The following IQGAP2 variants were observed in gnomAD, a reference collection of about 807,000 sequenced individuals.
The protein encoded by IQGAP2 is IQ motif containing GTPase activating protein 2.
In IQGAP2, 173 loss-of-function variants were observed where a neutral mutation model predicts 201.3. The observed-to-expected ratio is 0.86, with a 90% CI of 0.76 to 0.98. The LOEUF is 0.98. IQGAP2 is among the 50% of genes least tolerant of loss of function. The probability of loss-of-function intolerance (pLI) is 0.00; values close to 1 mark genes in which losing one functional copy is unlikely to be tolerated. For missense variants in IQGAP2, 1,687 were observed against 1,864.8 expected, an observed-to-expected ratio of 0.90 and a Z score of 1.76; for synonymous variants, 675 against 673.9, an observed-to-expected ratio of 1.00 and a Z score of -0.03.
At chr5:76,637,210 G>A (rs1487404475) in intron 16 of IQGAP2, 34 bp downstream of exon 16, 2 of 1,514,934 alleles carry the variant, frequency 1.3e-6, no homozygotes, top group Non-Finnish European at 8.9e-7. Context: ...TAACTCTACT[G>A]TATAAAGTTA....
intron 2 of IQGAP2, among the ~76,000 whole-genome samples, chr5:76,515,766 G>C (rs2150187888): frequency 6.7e-6 from 1 of 149,586 alleles, no homozygotes; most frequent in Non-Finnish European, 1.5e-5. Flanking sequence ...TTTTTGTTTT[G>C]TTTTCTTTTT....
intron 30 of IQGAP2, 109 bp downstream of exon 30, chr5:76,684,026 A>T: frequency 1.0e-6 from 1 of 982,532 alleles, no homozygotes; most frequent in Non-Finnish European, 1.4e-6. Context: ...GTGAACATTG[A>T]AATCTATTAT....
intron 14 of IQGAP2, among the ~76,000 whole-genome samples, chr5:76,628,416 C>T (rs994143501): frequency 5.9e-5 from 9 of 152,116 alleles, no homozygotes; most frequent in African/African-American, 1.4e-4. Flanking sequence ...AGTGCATAAT[C>T]GGAATAGGCA....
chr5:76,500,111 A>G (rs1161895476), intron 2 of IQGAP2, among the ~76,000 whole-genome samples: 3 of 152,200 alleles, frequency 2.0e-5, no homozygotes, highest in Admixed American at 2.0e-4. Context: ...CTGTCTCAAC[A>G]AAATGAATGA....
intron 1 of IQGAP2, among the ~76,000 whole-genome samples, chr5:76,445,455 CCGTTT>C (rs1298178033): frequency 2.6e-5 from 4 of 151,726 alleles, no homozygotes; most frequent in Non-Finnish European, 4.4e-5. Flanking sequence ...CAAAAATCGG[CCGTTT>C]TAACCTTTTT....
At chr5:76,702,645 A>G in intron 35 of IQGAP2, 55 bp downstream of exon 35, 1 of 822,920 alleles carries the variant, frequency 1.2e-6, no homozygotes, top group Non-Finnish European at 2.1e-6. Flanking sequence ...TGGATCATAC[A>G]TTGCTACCCT....
intron 30 of IQGAP2, among the ~76,000 whole-genome samples, chr5:76,692,839 G>A (rs1366776737): frequency 1.3e-5 from 2 of 152,104 alleles, no homozygotes; most frequent in South Asian, 2.1e-4. Flanking sequence ...CTGAACGTTC[G>A]CTCCCACTGG....
At chr5:76,490,987 C>CTTT (rs767214200) in intron 2 of IQGAP2, among the ~76,000 whole-genome samples, 9 of 113,008 alleles carry the variant, frequency 8.0e-5, no homozygotes, top group African/African-American at 1.6e-4. Context: ...AGATTTTCAT[C>CTTT]TTTTTTTTTT....
At chr5:76,487,234 G>A (rs1405723183) in intron 2 of IQGAP2, among the ~76,000 whole-genome samples, 1 of 151,962 alleles carries the variant, frequency 6.6e-6, no homozygotes, top group Non-Finnish European at 1.5e-5. Flanking sequence ...GAGTAGCTGG[G>A]ATTACAGGTG....
rs571729787 is a variant in IQGAP2 at position 76,514,503 on chromosome 5, A to C, written c.147-47893A>C. ...GGTCTACCCACTCCCAGCCTGTCCT[A>C]CCTCCTGCCATCAGATTAATCTTCC... On this transcript the variant is annotated intron_variant, in intron 2 of 35. Transcript: ENST00000274364. 3.3e-5 allele frequency among the ~76,000 whole-genome samples: 5 copies of C among 152,052 alleles called. No homozygotes were observed. The East Asian group carries it at 9.7e-4, about 29-fold the overall frequency.
At chr5:76,605,300 C>T (rs546249167) in intron 11 of IQGAP2, among the ~76,000 whole-genome samples, 5 of 152,312 alleles carry the variant, frequency 3.3e-5, no homozygotes, top group Admixed American at 2.0e-4. Context: ...TTCCAGAGGG[C>T]TATGCACAGT....
At chr5:76,531,235 C>A (rs1759270886) in intron 2 of IQGAP2, among the ~76,000 whole-genome samples, 1 of 152,048 alleles carries the variant, frequency 6.6e-6, no homozygotes, top group South Asian at 2.1e-4. Context: ...AGAGAGAGAA[C>A]CTACTCCTGC....
Position 76,707,343 on chromosome 5 carries a change from A to G in IQGAP2, c.*30A>G, listed in dbSNP as rs1344919594. 3.3e-6 allele frequency: 3 copies of G among 920,434 alleles called. No homozygotes were observed. The highest frequency in any genetic ancestry group is 2.4e-5 in the East Asian group (1 of 41,788). The allele number at this position is 920,434 out of a possible 1,614,324, so 57.0% of individuals were successfully genotyped here. ...CCTACAGAAATTTCTTGGATTCTGTATCATCTGGATTAGGAAATGAATTTG... is the reference window on the plus strand; with the variant it reads ...CCTACAGAAATTTCTTGGATTCTGTGTCATCTGGATTAGGAAATGAATTTG... On this transcript the variant is annotated 3_prime_UTR_variant, in exon 36 of 36. Coordinates refer to ENST00000274364, the MANE Select transcript of IQGAP2 (RefSeq NM_006633.5).
At chr5:76,568,690 C>T (rs567879674) in intron 3 of IQGAP2, among the ~76,000 whole-genome samples, 2 of 152,128 alleles carry the variant, frequency 1.3e-5, no homozygotes, top group African/African-American at 4.8e-5. Context: ...TGGGCTTGTG[C>T]TGGGTGGTTC....
intron 2 of IQGAP2, among the ~76,000 whole-genome samples, chr5:76,477,949 T>G (rs1485037296): frequency 6.6e-6 from 1 of 152,238 alleles, no homozygotes; most frequent in African/African-American, 2.4e-5. Context: ...AATATTTTTG[T>G]ACAGCAGTAA....
At chr5:76,433,269 C>A (rs988098951) in intron 1 of IQGAP2, among the ~76,000 whole-genome samples, 13 of 152,154 alleles carry the variant, frequency 8.5e-5, no homozygotes, top group African/African-American at 3.1e-4. Flanking sequence ...AGGCCAATGT[C>A]CAGAAGAGTT....
chr5:76,564,766 C>T (rs1212774431), intron 3 of IQGAP2, among the ~76,000 whole-genome samples: 1 of 152,192 alleles, frequency 6.6e-6, no homozygotes, highest in Non-Finnish European at 1.5e-5. Flanking sequence ...TGAAACATCA[C>T]AAGAGGGAGG....
chr5:76,636,071 G>A (rs1751103846), intron 15 of IQGAP2, among the ~76,000 whole-genome samples: 1 of 152,126 alleles, frequency 6.6e-6, no homozygotes, highest in South Asian at 2.1e-4. Context: ...GCCAAATGAA[G>A]CATCAACACA....
chr5:76,517,705 G>C (rs1432675229), intron 2 of IQGAP2, among the ~76,000 whole-genome samples: 1 of 152,040 alleles, frequency 6.6e-6, no homozygotes, highest in African/African-American at 2.4e-5. Context: ...ATTGGGAAGA[G>C]AGTTGGGTAG....
Sources: allele counts gnomAD v4.1 joint callset (sites outside exome capture counted in the v4.1 genomes callset), GRCh38; gene constraint gnomAD v4.1.1; transcripts MANE v1.5; gene names NCBI Gene and HGNC (gene_info 2026-07-23, HGNC 2026-07-21).